Variants in LDLRAP1 observed in about 807,000 individuals in gnomAD.
The protein encoded by LDLRAP1 is low density lipoprotein receptor adapter protein 1.
LDLRAP1 carries 30 observed loss-of-function variants against 37.8 expected under a neutral mutation model. That is an observed-to-expected ratio of 0.79 (90% confidence interval 0.59 to 1.08). The LOEUF (loss-of-function observed/expected upper bound fraction) is 1.08, where lower values mean the gene tolerates loss of function less well. Among genes scored for constraint, LDLRAP1 ranks in the 50% least tolerant of loss-of-function variants. LDLRAP1 has a pLI of 0.00. For missense variants in LDLRAP1, 375 were observed against 401.6 expected (o/e 0.93, Z 0.57); for synonymous variants, 156 against 169.8 (o/e 0.92, Z 0.63).
At chr1:25,552,032 G>T (rs2044082966) in intron 1 of LDLRAP1, among the ~76,000 whole-genome samples, 1 of 152,180 alleles carries the variant, frequency 6.6e-6, no homozygotes, top group African/African-American at 2.4e-5. Context: ...AATGGCCTCA[G>T]AGAGGGACAG....
At chr1:25,557,327 G>T (rs560779930) in intron 4 of LDLRAP1, 60 bp downstream of exon 4, 3 of 1,336,124 alleles carry the variant, frequency 2.2e-6, no homozygotes, top group South Asian at 2.3e-5. Context: ...CTTGCTCTGG[G>T]TGGGGGGCTG....
At chr1:25,572,178 C>T (rs937272137), downstream of LDLRAP1, among the ~76,000 whole-genome samples, 1 of 152,236 alleles carries the variant, frequency 6.6e-6, no homozygotes. Context: ...TGCCCCATGG[C>T]CTCAGTGCCC....
chr1:25,563,501 AGCTGCGCATCT>A, intron 6 of LDLRAP1, 149 bp from the exon 7 acceptor site: 2 of 892,102 alleles, frequency 2.2e-6, no homozygotes, highest in Non-Finnish European at 3.6e-6. Flanking sequence ...CTCTGTGGGC[AGCTGCGCATCT>A]GCTGTGGGGA....
At chr1:25,587,793 G>T in the LDLRAP1 span, among the ~76,000 whole-genome samples, 1 of 152,140 alleles carries the variant, frequency 6.6e-6, no homozygotes, top group African/African-American at 2.4e-5. Context: ...CACAGCTGGG[G>T]TTCAAATCTA....
At position 25,568,032 on chromosome 1, in the gene LDLRAP1, A is replaced by C. The variant is rs531672783; in HGVS notation, c.*1040A>C. The C allele has an allele frequency of 2.0e-5, 3 of 152,766 alleles. No homozygotes were observed. In the East Asian group the frequency reaches 5.8e-4, roughly 29 times the overall value. The allele number at this position is 152,766 out of a possible 1,614,324, so 9.5% of individuals were successfully genotyped here. ...GAGTAGAACCCAGGTCTGATGCCAAAGCTGCTTTCTTCTCTGCCTCCTCCT... is the reference window on the plus strand; with the variant it reads ...GAGTAGAACCCAGGTCTGATGCCAACGCTGCTTTCTTCTCTGCCTCCTCCT... On this transcript the variant is annotated 3_prime_UTR_variant, in exon 9 of 9. Transcript: ENST00000374338.
chr1:25,585,007 T>G, the LDLRAP1 span, among the ~76,000 whole-genome samples: 1 of 152,022 alleles, frequency 6.6e-6, no homozygotes, highest in Non-Finnish European at 1.5e-5. Flanking sequence ...TCAGACCAGG[T>G]CAAAAGAATG....
the LDLRAP1 span, among the ~76,000 whole-genome samples, chr1:25,583,677 C>A: frequency 6.6e-6 from 1 of 152,118 alleles, no homozygotes; most frequent in Non-Finnish European, 1.5e-5. Context: ...TGCTTCCATT[C>A]CTTTCTCTTT....
intron 1 of LDLRAP1, among the ~76,000 whole-genome samples, chr1:25,548,392 G>A (rs1312741265): frequency 7.0e-6 from 1 of 143,188 alleles, no homozygotes; most frequent in African/African-American, 2.6e-5. Context: ...CTGTTGCCCA[G>A]GCTGGAGTGC....
At position 25,568,322 on chromosome 1, in the gene LDLRAP1, C is replaced by T. The variant is rs996934096; in HGVS notation, c.*1330C>T. On this transcript the variant is annotated 3_prime_UTR_variant, in exon 9 of 9. Transcript: ENST00000374338. ...TGTTCTCTTTGCTGACACTGTGACC[C>T]TGGGTCGGGACAGACCAGCAGCAAT... The T allele has an allele frequency of 2.6e-5, 4 of 152,486 alleles. No individual in the cohort carries two copies. The highest frequency in any genetic ancestry group is 9.6e-5 in the African/African-American group (4 of 41,466). 9.4% of individuals were successfully genotyped at this position (152,486 alleles called of 1,614,324 possible). A position where few individuals can be genotyped will look rare whatever the true frequency, so the allele number is the denominator to read the frequency against.
At chr1:25,552,716 A>T (rs1485440879) in intron 1 of LDLRAP1, among the ~76,000 whole-genome samples, 1 of 152,164 alleles carries the variant, frequency 6.6e-6, no homozygotes, top group Non-Finnish European at 1.5e-5. Context: ...AGAAACTGTC[A>T]GTGCAGCCTG....
chr1:25,566,796 G>C, intron 8 of LDLRAP1, 52 bp from the exon 9 acceptor site: 1 of 1,579,064 alleles, frequency 6.3e-7, no homozygotes, highest in Non-Finnish European at 8.6e-7. Context: ...TCTGACCCTG[G>C]GGCGCGCCAG....
rs143908196 is a variant in LDLRAP1 at position 25,556,485 on chromosome 1, C to T, written c.345-668C>T. 3.7e-3 allele frequency among the ~76,000 whole-genome samples: 563 copies of T among 152,312 alleles called. 3 individuals carry two copies. Among genetic ancestry groups the T allele is most frequent in the African/African-American group, 0.013 (520 of 41,562 alleles). ...CTACTCCCAGCTCTTCACCCCTGGC[C>T]ACAGCTCCAGAACTTGCAAGTGTCC... On this transcript the variant is annotated intron_variant, in intron 3 of 8. Transcript: ENST00000374338.
intron 1 of LDLRAP1, among the ~76,000 whole-genome samples, chr1:25,547,726 A>T (rs1412854944): frequency 6.6e-6 from 1 of 152,068 alleles, no homozygotes; most frequent in African/African-American, 2.4e-5. Flanking sequence ...AGTGGCAGGT[A>T]CTGGCAGTCA....
chr1:25,549,340 C>G lies in LDLRAP1; in HGVS notation c.89-4582C>G, dbSNP rs1052038266. 9.2e-5 allele frequency among the ~76,000 whole-genome samples: 14 copies of G among 152,316 alleles called. 1 individual carries two copies. Among genetic ancestry groups the G allele is most frequent in the African/African-American group, 2.4e-4 (10 of 41,566 alleles). ...TGGGGGAGGCTGGAGGCCAGAGCCCCGGTTGGAGGCTCCCCTGGCCCCTGG... is the reference window on the plus strand; with the variant it reads ...TGGGGGAGGCTGGAGGCCAGAGCCCGGGTTGGAGGCTCCCCTGGCCCCTGG... On this transcript the variant is annotated intron_variant, in intron 1 of 8. Coordinates refer to ENST00000374338, the MANE Select transcript of LDLRAP1 (RefSeq NM_015627.3).
intron 1 of LDLRAP1, 78 bp downstream of exon 1, chr1:25,543,864 G>A: frequency 1.1e-6 from 1 of 935,722 alleles, no homozygotes; most frequent in Non-Finnish European, 1.4e-6. Flanking sequence ...CCCGGAGTGC[G>A]GCCAAGTTGG....
At position 25,544,467 on chromosome 1, in the gene LDLRAP1, T is replaced by G. The variant is rs1162772687; in HGVS notation, c.88+681T>G. 6.6e-6 allele frequency among the ~76,000 whole-genome samples: 1 copy of G among 152,216 alleles called. No individual in the cohort carries two copies. Among genetic ancestry groups the G allele is most frequent in the African/African-American group, 2.4e-5 (1 of 41,466 alleles). On this transcript the variant is annotated intron_variant, in intron 1 of 8. Coordinates refer to ENST00000374338, the MANE Select transcript of LDLRAP1 (RefSeq NM_015627.3). This position sits in a 1 kb window ranked among gnomAD's most constrained non-coding sequence, Gnocchi z 4.8. ...CAGGTGGCAAGCCTGGCGTCCCGAC[T>G]ATTTTTGAAACCTGTTTTCTCTCGC... is the stretch of plus-strand genomic sequence containing the variant.
intron 4 of LDLRAP1, among the ~76,000 whole-genome samples, chr1:25,560,494 T>C (rs544541514): frequency 6.6e-6 from 1 of 152,254 alleles, no homozygotes; most frequent in African/African-American, 2.4e-5. Flanking sequence ...CCGGGAGGCC[T>C]CTGGGCTCCA....
chr1:25,560,634 T>C (rs1339963419), intron 4 of LDLRAP1, among the ~76,000 whole-genome samples: 2 of 152,198 alleles, frequency 1.3e-5, no homozygotes, highest in African/African-American at 4.8e-5. Flanking sequence ...GAGTGATCCT[T>C]GTGCAAGGTT....
intron 6 of LDLRAP1, 23 bp downstream of exon 6, chr1:25,563,176 G>A (rs1282860651): frequency 8.1e-6 from 13 of 1,608,400 alleles, no homozygotes; most frequent in Non-Finnish European, 1.1e-5. Context: ...GGGGAAGGGG[G>A]ATTGGCCATG....
Sources: allele counts gnomAD v4.1 joint callset (sites outside exome capture counted in the v4.1 genomes callset), GRCh38; gene constraint gnomAD v4.1.1; non-coding constraint Gnocchi (gnomAD v3.1); transcripts MANE v1.5; gene names NCBI Gene and HGNC (gene_info 2026-07-23, HGNC 2026-07-21).